Variants in TTYH3 observed in about 807,000 individuals in gnomAD.
TTYH3 encodes protein tweety homolog 3.
Under a neutral mutation model 68.2 loss-of-function variants are expected in TTYH3, and 23 were observed. The ratio of observed to expected loss-of-function variants is 0.34; its 90% CI spans 0.24 to 0.48. The LOEUF is 0.48. Ranked by LOEUF, TTYH3 falls within the 20% of genes least tolerant of loss-of-function variation. TTYH3 has a pLI of 0.99. For synonymous variants in TTYH3, 360 were observed against 332.8 expected (o/e 1.08, Z -0.89); for missense variants, 768 against 727.7 (o/e 1.06, Z -0.64).
intron 1 of TTYH3, among the ~76,000 whole-genome samples, chr7:2,646,262 G>A (rs1450254138): frequency 1.3e-5 from 2 of 152,186 alleles, no homozygotes; most frequent in Non-Finnish European, 2.9e-5. Context: ...TGATCCGCCC[G>A]CCTCGGCCTC....
At chr7:2,639,675 G>T (rs1412170105) in intron 1 of TTYH3, among the ~76,000 whole-genome samples, 1 of 152,248 alleles carries the variant, frequency 6.6e-6, no homozygotes, top group East Asian at 1.9e-4. Flanking sequence ...GGGTGACTCT[G>T]TCCCCACTGC....
At chr7:2,650,054 G>C in intron 7 of TTYH3, 66 bp downstream of exon 7, 2 of 1,562,662 alleles carry the variant, frequency 1.3e-6, no homozygotes, top group East Asian at 4.5e-5. Context: ...AAAAGAGTGG[G>C]GTAGCTGAGG....
At position 2,647,477 on chromosome 7, in the gene TTYH3, G is replaced by A. The variant is rs1169721783; in HGVS notation, c.465G>A (p.Glu155=). The stretch of plus-strand genomic sequence containing the variant: ...CGGAGCCCAGCCTGCAGACCCTGGA[G>A]CGGCAGCTGGCCGGGCGGCCCGAGC... ...HTAEPSLQTL[E]RQLAGRPEPL... is the part of the protein sequence containing the mutation. The change falls in exon 4 of 14, where the codon GAG becomes GAA. Residue 155 remains glutamate, a synonymous_variant. Coordinates refer to ENST00000258796, the MANE Select transcript of TTYH3 (RefSeq NM_025250.3). The A allele has an allele frequency of 8.5e-6, 13 of 1,535,162 alleles. No individual in the cohort carries two copies. The highest frequency in any genetic ancestry group is 1.2e-5 in the South Asian group (1 of 83,848).
rs771369158 is a variant in TTYH3, at chr7:2,647,250, C to T, written c.402C>T (p.Asp134=). 7 of 1,585,302 alleles carry T rather than the reference C, an allele frequency of 4.4e-6. No individual in the cohort carries two copies. Among genetic ancestry groups the T allele is most frequent in the Non-Finnish European group, 6.0e-6 (7 of 1,169,976 alleles). Residue 134 remains aspartate (D), a synonymous_variant, in exon 3 of 14, where the codon GAC becomes GAT. Coordinates refer to ENST00000258796, the MANE Select transcript of TTYH3 (RefSeq NM_025250.3). ...ACCGCACGGTGGCCGGGGTCCAGGACCGCGTGAGTGGCCGCGGAGTTGGGG... is the reference window on the plus strand; with the variant it reads ...ACCGCACGGTGGCCGGGGTCCAGGATCGCGTGAGTGGCCGCGGAGTTGGGG... ...HANRTVAGVQ[D]RVWDTAVGLN... is the part of the protein sequence containing the mutation.
intron 1 of TTYH3, 50 bp from the exon 2 acceptor site, chr7:2,646,803 C>A: frequency 6.4e-7 from 1 of 1,550,978 alleles, no homozygotes; most frequent in Non-Finnish European, 8.7e-7. Flanking sequence ...GGGCGTGGGA[C>A]TCTGAGCTGG....
intron 13 of TTYH3, chr7:2,660,458 G>A: frequency 1.0e-6 from 1 of 985,424 alleles, no homozygotes; most frequent in Non-Finnish European, 1.2e-6. Flanking sequence ...ACAGGCACGT[G>A]CCGGCGAGCA....
At chr7:2,637,066 G>GCAT (rs1490162957) in intron 1 of TTYH3, among the ~76,000 whole-genome samples, 1 of 152,092 alleles carries the variant, frequency 6.6e-6, no homozygotes, top group Non-Finnish European at 1.5e-5. Context: ...CCCAGTTCTA[G>GCAT]CATCACCAGG....
At chr7:2,648,650 T>G (rs575536781) in intron 5 of TTYH3, 2 of 152,834 alleles carry the variant, frequency 1.3e-5, no homozygotes, top group African/African-American at 4.8e-5. Flanking sequence ...CACGTGGCAC[T>G]CACAGGCCAC....
Position 2,642,285 on chromosome 7 carries a change from T to C in TTYH3, c.124-4568T>C, listed in dbSNP as rs1028548179. ...GGCCAAGCACAGTGACTCATGCCTG[T>C]AATCCCAGCACTTTGGGGGACCGAG... On this transcript the variant is annotated intron_variant, in intron 1 of 13. Coordinates refer to ENST00000258796, the MANE Select transcript of TTYH3 (RefSeq NM_025250.3). Among the ~76,000 whole-genome samples the C allele has an allele frequency of 2.6e-5, 4 of 152,216 alleles. No homozygotes were observed. The South Asian group carries it at 6.2e-4, about 24-fold the overall frequency.
At position 2,647,873 on chromosome 7, in the gene TTYH3, C is replaced by G. The variant is rs968357881; in HGVS notation, c.627-86C>G. 2.0e-6 allele frequency: 3 copies of G among 1,477,314 alleles called. No individual in the cohort carries two copies. The East Asian group carries it at 6.8e-5, about 34-fold the overall frequency. The allele number at this position is 1,477,314 out of a possible 1,614,324, so 91.5% of individuals were successfully genotyped here. ...GCCCTCTGGGGTGCCAGGCTGCTGG[C>G]CTCAGCTCCCCCTCAAGGGCCCCTG... On this transcript the variant is annotated intron_variant, in intron 4 of 13. Transcript: ENST00000258796.
intron 1 of TTYH3, among the ~76,000 whole-genome samples, chr7:2,634,575 G>A (rs1785609365): frequency 1.3e-5 from 2 of 151,882 alleles, no homozygotes; most frequent in Non-Finnish European, 2.9e-5. Context: ...GGGATGGAGG[G>A]GAGGTGGGGC....
chr7:2,646,988 G>A lies in TTYH3; in HGVS notation c.259G>A (p.Ala87Thr), dbSNP rs777723728. 1 of 1,589,160 alleles carries A rather than the reference G, an allele frequency of 6.3e-7. No individual in the cohort carries two copies. The highest frequency in any genetic ancestry group is 2.3e-5 in the East Asian group (1 of 44,230). ...EHLDADCCCT[A>T]WCVIIATLVC... ...CCTGGACGCCGACTGCTGCTGCACG[G>A]CCTGGTGTGTCATCATCGCCACGCT... Residue 87 changes from alanine (A) to threonine (T), a missense_variant, in exon 2 of 14, where the codon GCC (alanine) becomes ACC (threonine). Transcript: ENST00000258796.
At chr7:2,644,677 T>G (rs2114982434) in intron 1 of TTYH3, among the ~76,000 whole-genome samples, 1 of 152,268 alleles carries the variant, frequency 6.6e-6, no homozygotes, top group South Asian at 2.1e-4. Context: ...CCGCCCCTGA[T>G]GCTCTGCAGT....
At chr7:2,633,006 C>A (rs1430739340) in intron 1 of TTYH3, among the ~76,000 whole-genome samples, 1 of 152,144 alleles carries the variant, frequency 6.6e-6, no homozygotes, top group African/African-American at 2.4e-5. Context: ...AGCGGCTGAG[C>A]CCAGGCAGAC....
At chr7:2,644,205 G>A (rs1442107844) in intron 1 of TTYH3, among the ~76,000 whole-genome samples, 1 of 152,204 alleles carries the variant, frequency 6.6e-6, no homozygotes, top group Non-Finnish European at 1.5e-5. Context: ...CTACAGGTCT[G>A]TTCTGCCGTT....
intron 11 of TTYH3, among the ~76,000 whole-genome samples, chr7:2,657,483 C>T (rs866345478): frequency 1.6e-4 from 24 of 150,194 alleles, no homozygotes; most frequent in African/African-American, 9.9e-5. Flanking sequence ...TTGGTGATGT[C>T]GGTGATGGTG....
At chr7:2,659,040 A>T (rs1172155480) in intron 13 of TTYH3, 25 bp downstream of exon 13, 1 of 1,579,054 alleles carries the variant, frequency 6.3e-7, no homozygotes, top group Admixed American at 1.7e-5. Context: ...AGGAGGGTGG[A>T]TGGGGGGCTG....
intron 6 of TTYH3, 37 bp downstream of exon 6, chr7:2,649,676 A>G: frequency 6.3e-7 from 1 of 1,576,052 alleles, no homozygotes; most frequent in Non-Finnish European, 8.6e-7. Flanking sequence ...CGGCTGCTGG[A>G]CCTGGGCACT....
chr7:2,658,222 A>C (rs1786389163), intron 11 of TTYH3, 64 bp from the exon 12 acceptor site: 1 of 1,432,806 alleles, frequency 7.0e-7, no homozygotes, highest in African/African-American at 1.4e-5. Flanking sequence ...ACTGACCCCC[A>C]TGGGTCTGTG....
Sources: allele counts gnomAD v4.1 joint callset (sites outside exome capture counted in the v4.1 genomes callset), GRCh38; gene constraint gnomAD v4.1.1; transcripts MANE v1.5; gene names NCBI Gene and HGNC (gene_info 2026-07-23, HGNC 2026-07-21).